Variants in C1orf115 observed in about 807,000 individuals in gnomAD.
C1orf115 encodes chromosome 1 open reading frame 115.
C1orf115 carries 14 observed loss-of-function variants against 12.5 expected under a neutral mutation model. That is an observed-to-expected ratio of 1.12 (90% CI 0.74 to 1.75). The LOEUF is 1.75. C1orf115 is among the 40% of genes most tolerant of loss of function. C1orf115 has a pLI of 0.00. For missense variants in C1orf115, 237 were observed against 220.8 expected (o/e 1.07, Z -0.46); for synonymous variants, 109 against 104.6 (o/e 1.04, Z -0.26).
rs1254427004 is a variant in C1orf115 at position 220,690,561 on chromosome 1, G to A, written c.159G>A (p.Thr53=). ...CGGAGGCGGCGGCCGAGAGCGGGAC[G>A]AGCGCGGCGGACGAGCGGGGCCCGG... The part of the protein sequence containing the change: ...DEAEAAAESG[T]SAADERGPGT... The change falls in exon 1 of 2, where the codon ACG becomes ACA. Residue 53 remains threonine (T), a synonymous_variant. Transcript: ENST00000294889. 3.4e-6 allele frequency: 5 copies of A among 1,478,194 alleles called. No individual in the cohort carries two copies. The highest frequency in any genetic ancestry group is 4.7e-4 in the Middle Eastern group (2 of 4,254). 91.6% of individuals were successfully genotyped at this position (1,478,194 alleles called of 1,614,324 possible). A position where few individuals can be genotyped will look rare whatever the true frequency, so the allele number is the denominator to read the frequency against.
rs1186288464 is a variant in C1orf115 at position 220,696,676 on chromosome 1, C to T, written c.374C>T (p.Ala125Val). ...GTCATCGGCCTGCAAGGCTTCGCTG[C>T]AGCCTACTCCGCCCCGTTTGCGGTA... ...YVVIGLQGFA[A>V]AYSAPFAVAT... The change falls in exon 2 of 2, where the codon GCA (alanine) becomes GTA (valine). Residue 125 changes from alanine to valine, a missense_variant. Coordinates refer to ENST00000294889, the MANE Select transcript of C1orf115 (RefSeq NM_024709.5). 1.2e-6 allele frequency: 2 copies of T among 1,603,870 alleles called. No homozygotes were observed.
At chr1:220,691,509 T>C (rs1362959020) in intron 1 of C1orf115, among the ~76,000 whole-genome samples, 1 of 152,130 alleles carries the variant, frequency 6.6e-6, no homozygotes, top group Non-Finnish European at 1.5e-5. Context: ...ATCTGATTTA[T>C]TGTCTATTTA....
intron 1 of C1orf115, among the ~76,000 whole-genome samples, chr1:220,693,532 T>C (rs1670143606): frequency 6.6e-6 from 1 of 152,216 alleles, no homozygotes; most frequent in Admixed American, 6.5e-5. Flanking sequence ...ACTGTATCTC[T>C]TAGCAACATC....
intron 1 of C1orf115, among the ~76,000 whole-genome samples, chr1:220,691,196 G>A (rs1670102049): frequency 6.6e-6 from 1 of 152,118 alleles, no homozygotes; most frequent in South Asian, 2.1e-4. Flanking sequence ...TATTTCCCGA[G>A]CCTGGGAGCG....
chr1:220,696,708 AG>A lies in C1orf115; in HGVS notation c.407del (p.Ser136ThrfsTer51). The A allele has an allele frequency of 6.3e-7, 1 of 1,597,122 alleles. No individual in the cohort carries two copies. The highest frequency in any genetic ancestry group is 8.6e-7 in the Non-Finnish European group (1 of 1,165,776). On this transcript the variant is annotated frameshift_variant, in exon 2 of 2. Transcript: ENST00000294889. LOFTEE classifies it high-confidence loss of function. The stretch of plus-strand genomic sequence containing the variant: ...CTCCGCCCCGTTTGCGGTAGCCACC[AG>A]CGTGGTATCCTTCGTGCGCTAATGG... ...AYSAPFAVAT[S>X]VVSFVR
intron 1 of C1orf115, among the ~76,000 whole-genome samples, chr1:220,692,063 C>T (rs1264038146): frequency 6.6e-6 from 1 of 152,184 alleles, no homozygotes; most frequent in Non-Finnish European, 1.5e-5. Context: ...CACCAGATAA[C>T]AGTGAAGTGG....
intron 1 of C1orf115, among the ~76,000 whole-genome samples, chr1:220,695,173 C>G (rs995987286): frequency 2.6e-5 from 4 of 151,986 alleles, no homozygotes; most frequent in African/African-American, 9.7e-5. Context: ...GACATGGAGG[C>G]AGTATATGTG....
intron 1 of C1orf115, among the ~76,000 whole-genome samples, chr1:220,692,246 A>T (rs889496369): frequency 8.5e-5 from 13 of 152,242 alleles, no homozygotes; most frequent in Admixed American, 6.5e-5. Flanking sequence ...TTCCTTAAAA[A>T]GTTCAGTGTA....
intron 1 of C1orf115, among the ~76,000 whole-genome samples, chr1:220,692,959 T>C (rs1007724995): frequency 1.3e-5 from 2 of 152,154 alleles, no homozygotes; most frequent in South Asian, 4.1e-4. Context: ...GGAGGCCAGG[T>C]GAGAGGATGT....
In C1orf115 at chr1:220,690,487, G is replaced by A; in HGVS notation, c.85G>A (p.Asp29Asn). The change falls in exon 1 of 2, where the codon GAC becomes AAC. Residue 29 changes from aspartate (D) to asparagine (N), a missense_variant. Transcript: ENST00000294889. The part of the protein sequence containing the change: ...GPRGRGRTEG[D>N]EEAAAILEHL... ...CCGAGGGCGAGGGCGAACCGAGGGG[G>A]ACGAGGAGGCGGCCGCCATCCTGGA... The A allele has an allele frequency of 1.4e-6, 2 of 1,436,676 alleles. No homozygotes were observed. Among genetic ancestry groups the A allele is most frequent in the Non-Finnish European group, 1.8e-6 (2 of 1,102,038 alleles). 89.0% of individuals were successfully genotyped at this position (1,436,676 alleles called of 1,614,324 possible). A position where few individuals can be genotyped will look rare whatever the true frequency, so the allele number is the denominator to read the frequency against.
chr1:220,695,215 AG>A (rs1670173481), intron 1 of C1orf115, among the ~76,000 whole-genome samples: 1 of 152,080 alleles, frequency 6.6e-6, no homozygotes, highest in African/African-American at 2.4e-5. Flanking sequence ...GGCACGATGG[AG>A]GGCAGAGACT....
chr1:220,696,635 A>C lies in C1orf115; in HGVS notation c.333A>C (p.Lys111Asn). Residue 111 changes from lysine to asparagine, a missense_variant, in exon 2 of 2, where the codon AAA becomes AAC. Lys to Asn is a moderately conservative substitution (Grantham distance 94). Coordinates refer to ENST00000294889, the MANE Select transcript of C1orf115 (RefSeq NM_024709.5). ...AGAATGTCGGGAAGGTCATCATCAA[A>C]GGATGCCGCTACGTGGTCATCGGCC... is the stretch of plus-strand genomic sequence containing the variant. ...YGKNVGKVII[K>N]GCRYVVIGLQ... 6.3e-7 allele frequency: 1 copy of C among 1,594,024 alleles called. No individual in the cohort carries two copies.
At chr1:220,695,410 G>GGCAAT in intron 1 of C1orf115, among the ~76,000 whole-genome samples, 1 of 152,136 alleles carries the variant, frequency 6.6e-6, no homozygotes, top group Middle Eastern at 3.4e-3. Context: ...CCGTAACACA[G>GGCAAT]GCAATGCGGG....
rs1342156416 is a variant in C1orf115 at position 220,698,898 on chromosome 1, T to C, written c.*2167T>C. 1 of 152,208 alleles carries C rather than the reference T, an allele frequency of 6.6e-6. No individual in the cohort carries two copies. The highest frequency in any genetic ancestry group is 1.9e-4 in the East Asian group (1 of 5,200). The allele number at this position is 152,208 out of a possible 1,614,324, so 9.4% of individuals were successfully genotyped here. ...ACAGAAGATGAATCTCAGATGTCAC[T>C]CAACCTGAGCCGTCATTCTCTGTGG... On this transcript the variant is annotated 3_prime_UTR_variant, in exon 2 of 2. Coordinates refer to ENST00000294889, the MANE Select transcript of C1orf115 (RefSeq NM_024709.5).
intron 1 of C1orf115, among the ~76,000 whole-genome samples, chr1:220,692,830 CA>C (rs1355253829): frequency 2.6e-5 from 4 of 151,608 alleles, no homozygotes; most frequent in African/African-American, 2.4e-5. Context: ...CTAAAACAAA[CA>C]AAAAAAACAA....
rs749713044 is a variant in C1orf115, at chr1:220,696,772, C to T, written c.*41C>T. On this transcript the variant is annotated 3_prime_UTR_variant, in exon 2 of 2. Coordinates refer to ENST00000294889, the MANE Select transcript of C1orf115 (RefSeq NM_024709.5). Reference sequence around the variant, plus strand: ...CAGGTGCCCCCAGAGTGAACGGGAGCCCCTGCTGTGGGAACTTTGTGAATC... The same window carrying T: ...CAGGTGCCCCCAGAGTGAACGGGAGTCCCTGCTGTGGGAACTTTGTGAATC... The T allele has an allele frequency of 2.6e-6, 4 of 1,543,344 alleles. No individual in the cohort carries two copies. The highest frequency in any genetic ancestry group is 3.5e-6 in the Non-Finnish European group (4 of 1,130,382).
Position 220,696,757 on chromosome 1 carries a change from C to G in C1orf115, c.*26C>G. On this transcript the variant is annotated 3_prime_UTR_variant, in exon 2 of 2. Coordinates refer to ENST00000294889, the MANE Select transcript of C1orf115 (RefSeq NM_024709.5). ...TGGGAGCTGCTGTGGCAGGTGCCCC[C>G]AGAGTGAACGGGAGCCCCTGCTGTG... The G allele has an allele frequency of 6.4e-7, 1 of 1,562,570 alleles. No homozygotes were observed.
intron 1 of C1orf115, 143 bp from the exon 2 acceptor site, chr1:220,696,469 T>C: frequency 1.0e-6 from 1 of 988,524 alleles, no homozygotes; most frequent in African/African-American, 1.6e-5. Flanking sequence ...GGGAATGTGG[T>C]AACTTGCTGA....
rs902570291 is a variant in C1orf115, at chr1:220,693,994, C to T, written c.310-2618C>T. ...ACTTGGGAGGCTGCAGCAGGAGAAT[C>T]GCTTGAACCTGGGAGGTGGAGGTTG... On this transcript the variant is annotated intron_variant, in intron 1 of 1. Coordinates refer to ENST00000294889, the MANE Select transcript of C1orf115 (RefSeq NM_024709.5). 4.7e-5 allele frequency among the ~76,000 whole-genome samples: 7 copies of T among 149,560 alleles called. No homozygotes were observed. In the East Asian group the frequency reaches 9.9e-4, roughly 21 times the overall value.
Sources: allele counts gnomAD v4.1 joint callset (sites outside exome capture counted in the v4.1 genomes callset), GRCh38; gene constraint gnomAD v4.1.1; transcripts MANE v1.5; gene names NCBI Gene and HGNC (gene_info 2026-07-23, HGNC 2026-07-21).